Variants in XPO6 observed in about 807,000 individuals in gnomAD.
XPO6 encodes the protein exportin 6.
A neutral mutation model predicts 130.0 loss-of-function variants in XPO6; 3 were observed. That is an observed-to-expected ratio of 0.02 (90% CI 0.01 to 0.06). The LOEUF is 0.06. Ranked by LOEUF, XPO6 falls within the 10% of genes least tolerant of loss-of-function variation. The pLI, the probability that XPO6 is intolerant of heterozygous loss-of-function variation, is 1.00. For synonymous variants in XPO6, 524 were observed against 548.9 expected, an observed-to-expected ratio of 0.95 and a Z score of 0.63; for missense variants, 970 against 1,393.0, an observed-to-expected ratio of 0.70 and a Z score of 4.83.
intron 7 of XPO6, chr16:28,154,675 G>A (rs1567626504): frequency 6.6e-6 from 1 of 152,148 alleles, no homozygotes; most frequent in Non-Finnish European, 1.5e-5. Flanking sequence ...AAAGTTACAC[G>A]TAACAACATC....
intron 6 of XPO6, among the ~76,000 whole-genome samples, chr16:28,160,508 A>AAAAAAAAAAAAAAAAAAAAAAAT: frequency 6.6e-6 from 1 of 151,364 alleles, no homozygotes; most frequent in African/African-American, 2.4e-5. Context: ...CATCACCAAA[A>AAAAAAAAAAAAAAAAAAAAAAAT]AAAAAAAAAA....
chr16:28,154,923 G>A (rs991833990), intron 7 of XPO6, among the ~76,000 whole-genome samples: 1 of 151,896 alleles, frequency 6.6e-6, no homozygotes, highest in Non-Finnish European at 1.5e-5. Flanking sequence ...TGTGAATAAT[G>A]ATGCCTTTGA....
intron 1 of XPO6, among the ~76,000 whole-genome samples, chr16:28,194,015 G>A (rs981672620): frequency 6.6e-6 from 1 of 152,106 alleles, no homozygotes; most frequent in African/African-American, 2.4e-5. Context: ...CGCATCTAAT[G>A]ATGACTTCCT....
At chr16:28,197,944 C>A (rs1270231828) in intron 1 of XPO6, among the ~76,000 whole-genome samples, 4 of 74,060 alleles carry the variant, frequency 5.4e-5, no homozygotes, top group Non-Finnish European at 5.7e-5. Context: ...AAAAATTGTT[C>A]AGACTACATC....
intron 4 of XPO6, among the ~76,000 whole-genome samples, chr16:28,170,939 T>C (rs1462084271): frequency 5.3e-5 from 8 of 152,288 alleles, no homozygotes; most frequent in Non-Finnish European, 1.5e-5. Flanking sequence ...CCAGAAATGA[T>C]AAAAGTAAAC....
At chr16:28,134,228 G>C (rs968886281) in intron 10 of XPO6, among the ~76,000 whole-genome samples, 1 of 152,148 alleles carries the variant, frequency 6.6e-6, no homozygotes, top group Non-Finnish European at 1.5e-5. Flanking sequence ...AAATGATCAC[G>C]CATCACCTTC....
At chr16:28,165,499 T>TC (rs754818431) in intron 6 of XPO6, 2 of 152,200 alleles carry the variant, frequency 1.3e-5, no homozygotes, top group Admixed American at 6.5e-5. Flanking sequence ...GACAAATGGC[T>TC]CTCTAATAAT....
At position 28,156,256 on chromosome 16, in the gene XPO6, G is replaced by A. The variant is rs775990467; in HGVS notation, c.915C>T (p.Arg305=). 70 of 1,614,016 alleles carry A rather than the reference G, an allele frequency of 4.3e-5. No individual in the cohort carries two copies. Among genetic ancestry groups the A allele is most frequent in the East Asian group, 6.7e-5 (3 of 44,906 alleles). ...SSQNCVSGQE[R]GRLGVLAMSC... is the part of the protein sequence containing the mutation. ...ACATGGCCAGGACCCCCAGCCGGCC[G>A]CGCTCCTGACCCGAGACACAGTTCT... Residue 305 remains arginine, a synonymous_variant, in exon 7 of 24, where the codon CGC becomes CGT. Transcript: ENST00000304658.
At chr16:28,181,339 C>T (rs893473464) in intron 1 of XPO6, among the ~76,000 whole-genome samples, 4 of 152,110 alleles carry the variant, frequency 2.6e-5, no homozygotes, top group African/African-American at 4.8e-5. Context: ...CAAATTAGCC[C>T]CTGGCCCTTC....
intron 9 of XPO6, among the ~76,000 whole-genome samples, chr16:28,143,676 G>A (rs890481083): frequency 1.3e-5 from 2 of 151,780 alleles, no homozygotes; most frequent in African/African-American, 2.4e-5. Flanking sequence ...TCATTCTGTC[G>A]CCTAGGCTGG....
chr16:28,174,042 C>T (rs1312077026), intron 4 of XPO6, among the ~76,000 whole-genome samples: 1 of 152,110 alleles, frequency 6.6e-6, no homozygotes, highest in Non-Finnish European at 1.5e-5. Flanking sequence ...TCTTTCCTGT[C>T]TCCAGTGGGC....
intron 12 of XPO6, among the ~76,000 whole-genome samples, chr16:28,131,502 G>A (rs1438570205): frequency 1.3e-5 from 2 of 152,240 alleles, no homozygotes; most frequent in Admixed American, 1.3e-4. Context: ...GATGGGGCAG[G>A]GAGGACACAT....
At chr16:28,181,395 T>C (rs1430675925) in intron 1 of XPO6, among the ~76,000 whole-genome samples, 2 of 152,208 alleles carry the variant, frequency 1.3e-5, no homozygotes, top group African/African-American at 4.8e-5. Flanking sequence ...GAACTCCTCA[T>C]AGACTATTCA....
intron 1 of XPO6, among the ~76,000 whole-genome samples, chr16:28,199,998 A>G (rs1347512335): frequency 6.6e-6 from 1 of 152,052 alleles, no homozygotes; most frequent in Non-Finnish European, 1.5e-5. Flanking sequence ...TCTACTGAAA[A>G]TACAAAAACT....
At chr16:28,155,953 T>C in intron 7 of XPO6, 121 bp downstream of exon 7, 1 of 1,455,044 alleles carries the variant, frequency 6.9e-7, no homozygotes, top group Admixed American at 2.8e-5. Context: ...TACCTTTCTG[T>C]TCCTCACCAG....
chr16:28,135,179 G>C, intron 10 of XPO6, 37 bp downstream of exon 10: 1 of 1,560,112 alleles, frequency 6.4e-7, no homozygotes, highest in Non-Finnish European at 8.8e-7. Context: ...GTCACAACAT[G>C]ACAGCGACAA....
chr16:28,100,779 G>A (rs994969574), intron 23 of XPO6, among the ~76,000 whole-genome samples: 1 of 152,224 alleles, frequency 6.6e-6, no homozygotes, highest in African/African-American at 2.4e-5. Flanking sequence ...GAGCCCCATG[G>A]GGAAGGAGGT....
At chr16:28,123,528 A>G (rs2087304634) in intron 13 of XPO6, among the ~76,000 whole-genome samples, 1 of 152,256 alleles carries the variant, frequency 6.6e-6, no homozygotes, top group Non-Finnish European at 1.5e-5. Flanking sequence ...TCTTTGTCCC[A>G]GCATAACAAT....
rs1481343595 is a variant in XPO6, at chr16:28,106,011, G to C, written c.2784+32C>G. On this transcript the variant is annotated intron_variant, in intron 20 of 23. Transcript: ENST00000304658. The surrounding 1 kb of genome is among the most constrained non-coding windows in gnomAD (Gnocchi z 4.2). ...TTCCCTTCCCAATCTGGAGATGGGG[G>C]GTGCTGCACAGGGGACCGTCTGAGC... is the stretch of plus-strand genomic sequence containing the variant. The C allele has an allele frequency of 6.3e-7, 1 of 1,589,520 alleles. No individual in the cohort carries two copies. Among genetic ancestry groups the C allele is most frequent in the South Asian group, 1.1e-5 (1 of 90,350 alleles).
Sources: allele counts gnomAD v4.1 joint callset (sites outside exome capture counted in the v4.1 genomes callset), GRCh38; gene constraint gnomAD v4.1.1; non-coding constraint Gnocchi (gnomAD v3.1); transcripts MANE v1.5; gene names NCBI Gene and HGNC (gene_info 2026-07-23, HGNC 2026-07-21).